Variants in CCDC122 observed in about 807,000 individuals in gnomAD.
CCDC122 encodes coiled-coil domain-containing protein 122.
Under a neutral mutation model 37.0 loss-of-function variants are expected in CCDC122, and 38 were observed. The observed-to-expected ratio is 1.03, with a 90% CI of 0.79 to 1.35. The LOEUF is 1.35. Ranked by LOEUF, CCDC122 falls within the 40% of genes most tolerant of loss-of-function variation. The pLI, the probability that CCDC122 is intolerant of heterozygous loss-of-function variation, is 0.00. For synonymous variants in CCDC122, 83 were observed against 95.6 expected, an observed-to-expected ratio of 0.87 and a Z score of 0.77; for missense variants, 305 against 310.0, an observed-to-expected ratio of 0.98 and a Z score of 0.12.
intron 4 of CCDC122, 23 bp downstream of exon 4, chr13:43,868,670 TA>T: frequency 1.6e-6 from 2 of 1,247,448 alleles, no homozygotes; most frequent in Non-Finnish European, 1.1e-6. Flanking sequence ...TAAAGACATT[TA>T]AAAGACTATA....
chr13:43,856,853 A>G (rs537161644), intron 6 of CCDC122, among the ~76,000 whole-genome samples: 212 of 152,336 alleles, frequency 1.4e-3, no homozygotes, highest in Non-Finnish European at 2.3e-3. Context: ...GGTAATGCCA[A>G]CATAAATATA....
At chr13:43,835,085 A>G (rs1594812366), downstream of CCDC122, among the ~76,000 whole-genome samples, 4 of 152,072 alleles carry the variant, frequency 2.6e-5, no homozygotes, top group East Asian at 1.9e-4. Context: ...GATAGACTGG[A>G]TTAAGAAAAT....
intron 6 of CCDC122, among the ~76,000 whole-genome samples, chr13:43,840,794 T>G: frequency 6.7e-6 from 1 of 148,970 alleles, no homozygotes; most frequent in Non-Finnish European, 1.5e-5. Context: ...TGTTGGACAT[T>G]TGGGTGGGTT....
At position 43,859,902 on chromosome 13, in the gene CCDC122, A is replaced by G. The variant is rs1331680033; in HGVS notation, c.325T>C (p.Phe109Leu). The G allele has an allele frequency of 6.2e-7, 1 of 1,608,886 alleles. No individual in the cohort carries two copies. The highest frequency in any genetic ancestry group is 8.5e-7 in the Non-Finnish European group (1 of 1,178,058). The change falls in exon 5 of 7, where the codon TTT (phenylalanine) becomes CTT (leucine). Residue 109 changes from phenylalanine (F) to leucine (L), a missense_variant. Phe to Leu is a conservative substitution (Grantham distance 22). Coordinates refer to ENST00000444614, the MANE Select transcript of CCDC122 (RefSeq NM_144974.5). ...TCTTCTTGGGCTGTTTCTATGTCAA[A>G]TTTAAGCTTTACATTTTCTGAATGT... ...SLHSENVKLKFDIETAQEDFE... is the reference protein window; with the variant it reads ...SLHSENVKLKLDIETAQEDFE...
At chr13:43,868,546 G>T in intron 4 of CCDC122, 148 bp downstream of exon 4, 1 of 437,778 alleles carries the variant, frequency 2.3e-6, no homozygotes, top group Non-Finnish European at 4.0e-6. Context: ...AACTGGAATA[G>T]CCATGTAAAC....
At chr13:43,835,349 T>A (rs185316187), downstream of CCDC122, among the ~76,000 whole-genome samples, 139 of 152,200 alleles carry the variant, frequency 9.1e-4, 1 homozygote, top group Non-Finnish European at 1.8e-3. Flanking sequence ...TTAGGAGATA[T>A]ACCTAATACT....
chr13:43,854,212 A>G (rs981902331), intron 6 of CCDC122: 1 of 152,102 alleles, frequency 6.6e-6, no homozygotes, highest in African/African-American at 2.4e-5. Context: ...TTTTGAAAAA[A>G]TTAATAAAAC....
intron 3 of CCDC122, among the ~76,000 whole-genome samples, chr13:43,827,136 T>G (rs892746858): frequency 6.6e-6 from 1 of 152,196 alleles, no homozygotes; most frequent in Non-Finnish European, 1.5e-5. Flanking sequence ...AAAGTATTTA[T>G]AATGAAAGGA....
intron 1 of CCDC122, among the ~76,000 whole-genome samples, chr13:43,877,024 T>A (rs1390359519): frequency 6.6e-6 from 1 of 152,092 alleles, no homozygotes; most frequent in Non-Finnish European, 1.5e-5. Flanking sequence ...GGCAGGAGAA[T>A]CACTTGAACC....
chr13:43,828,745 T>A (rs1175201654), intron 3 of CCDC122, among the ~76,000 whole-genome samples: 1 of 152,138 alleles, frequency 6.6e-6, no homozygotes, highest in Non-Finnish European at 1.5e-5. Flanking sequence ...GCTCTCACAC[T>A]GATCAGTGTG....
chr13:43,826,135 G>T (rs1372653563), intron 3 of CCDC122, among the ~76,000 whole-genome samples: 1 of 151,940 alleles, frequency 6.6e-6, no homozygotes, highest in African/African-American at 2.4e-5. Context: ...TTATACTCTT[G>T]GAAATATGCA....
chr13:43,875,304 C>T (rs1436272309), intron 1 of CCDC122, among the ~76,000 whole-genome samples: 1 of 152,172 alleles, frequency 6.6e-6, no homozygotes, highest in African/African-American at 2.4e-5. Context: ...AACATGATTT[C>T]CAAACCAAGA....
intron 3 of CCDC122, among the ~76,000 whole-genome samples, chr13:43,824,967 G>T (rs181014123): frequency 2.8e-4 from 43 of 152,122 alleles, no homozygotes; most frequent in Non-Finnish European, 4.9e-4. Context: ...AATTAGTTCA[G>T]CCACTGTGGA....
intron 4 of CCDC122, among the ~76,000 whole-genome samples, chr13:43,866,157 C>T (rs1954270193): frequency 2.0e-5 from 3 of 152,168 alleles, no homozygotes; most frequent in African/African-American, 7.2e-5. Flanking sequence ...GAATGACTTG[C>T]AATTTTAAAT....
intron 3 of CCDC122, among the ~76,000 whole-genome samples, chr13:43,824,236 A>G (rs1309688301): frequency 6.6e-6 from 1 of 152,226 alleles, no homozygotes; most frequent in Non-Finnish European, 1.5e-5. Context: ...TAAGCAACTA[A>G]TAAGACTATA....
At position 43,837,334 on chromosome 13, in the gene CCDC122, T is replaced by A. The variant is rs1443447159; in HGVS notation, c.768A>T (p.Gln256His). 3.1e-6 allele frequency: 5 copies of A among 1,614,060 alleles called. No homozygotes were observed. The highest frequency in any genetic ancestry group is 4.2e-6 in the Non-Finnish European group (5 of 1,179,988). Residue 256 changes from glutamine (Q) to histidine (H), a missense_variant, in exon 7 of 7, where the codon CAA becomes CAT. Transcript: ENST00000444614. ...SNRRQWQWNI[Q>H]QLEKTAAELR... ...ATTCGGCTGCAGTTTTTTCCAATTG[T>A]TGAATGTTCCATTGCCACTGTCGTC...
chr13:43,826,130 C>G (rs905160296), intron 3 of CCDC122, among the ~76,000 whole-genome samples: 2 of 152,124 alleles, frequency 1.3e-5, no homozygotes, highest in Admixed American at 1.3e-4. Context: ...TGAATTTATA[C>G]TCTTGGAAAT....
At chr13:43,842,083 C>CT (rs35365022) in intron 6 of CCDC122, among the ~76,000 whole-genome samples, 140,113 of 152,192 alleles carry the variant, frequency 0.92, 64,816 homozygotes, top group Middle Eastern at 0.99. Context: ...ATATTTTTCA[C>CT]TATGGTTAGC....
intron 2 of CCDC122, among the ~76,000 whole-genome samples, chr13:43,870,217 T>A (rs1954402011): frequency 6.6e-6 from 1 of 152,124 alleles, no homozygotes; most frequent in Non-Finnish European, 1.5e-5. Flanking sequence ...ACCTAGCAGA[T>A]TATCATAACC....
Sources: gnomAD v4.1 joint callset for allele counts (sites outside exome capture counted in the v4.1 genomes callset) on GRCh38, gnomAD v4.1.1 for gene constraint, MANE v1.5 for transcripts, NCBI Gene and HGNC (gene_info 2026-07-23, HGNC 2026-07-21) for gene names.